The following SLC5A8 variants were observed in gnomAD, a reference collection of about 807,000 sequenced individuals.
The protein encoded by SLC5A8 is sodium-coupled monocarboxylate transporter 1.
A neutral mutation model predicts 71.9 loss-of-function variants in SLC5A8; 55 were observed. The observed-to-expected ratio is 0.77, with a 90% CI of 0.62 to 0.96. The LOEUF (loss-of-function observed/expected upper bound fraction) is 0.96, where lower values mean the gene tolerates loss of function less well. Among genes scored for constraint, SLC5A8 ranks in the 40% least tolerant of loss-of-function variants. The pLI is 0.00. For synonymous variants in SLC5A8, 307 were observed against 276.1 expected (o/e 1.11, Z -1.11); for missense variants, 701 against 745.3 (o/e 0.94, Z 0.69).
chr12:101,180,189 GATA>G, intron 9 of SLC5A8, 93 bp from the exon 10 acceptor site: 8 of 1,287,192 alleles, frequency 6.2e-6, no homozygotes, highest in Non-Finnish European at 9.1e-6. Context: ...ATTCAAAGTG[GATA>G]ATATGACTGT....
In SLC5A8 at chr12:101,195,122, C is replaced by A; in HGVS notation, c.510G>T (p.Gly170=). 2 of 1,614,040 alleles carry A rather than the reference C, an allele frequency of 1.2e-6. No individual in the cohort carries two copies. The highest frequency in any genetic ancestry group is 4.5e-5 in the East Asian group (2 of 44,888). Residue 170 remains glycine, a synonymous_variant, in exon 4 of 15, where the codon GGG becomes GGT. Coordinates refer to ENST00000536262, the MANE Select transcript of SLC5A8 (RefSeq NM_145913.5). The part of the protein sequence containing the change: ...FDLWGAVVAT[G]VVCTFYCTLG... Reference sequence around the variant, plus strand: ...GTGTGCAGTAGAATGTGCAGACCACCCCCGTTGCCACTACCGCGCCCCACA... The same window carrying A: ...GTGTGCAGTAGAATGTGCAGACCACACCCGTTGCCACTACCGCGCCCCACA...
At chr12:101,188,800 C>T (rs1400735972) in intron 6 of SLC5A8, among the ~76,000 whole-genome samples, 9 of 152,202 alleles carry the variant, frequency 5.9e-5, no homozygotes, top group Non-Finnish European at 1.3e-4. Context: ...TAGCTCATCT[C>T]CAAATCACCA....
intron 10 of SLC5A8, among the ~76,000 whole-genome samples, chr12:101,178,843 A>G (rs1426372377): frequency 6.6e-6 from 1 of 151,568 alleles, no homozygotes; most frequent in Non-Finnish European, 1.5e-5. Flanking sequence ...ATGCACTTTG[A>G]CAGACCCTGT....
At chr12:101,208,207 T>C (rs532234464) in intron 1 of SLC5A8, among the ~76,000 whole-genome samples, 1 of 152,298 alleles carries the variant, frequency 6.6e-6, no homozygotes, top group African/African-American at 2.4e-5. Flanking sequence ...GGGATAATTA[T>C]TGAGCTCTCC....
At chr12:101,158,631 T>C (rs1303649318) in intron 13 of SLC5A8, among the ~76,000 whole-genome samples, 1 of 130,250 alleles carries the variant, frequency 7.7e-6, no homozygotes, top group East Asian at 2.3e-4. Flanking sequence ...TATATATATA[T>C]ATGTATCATA....
In SLC5A8 at chr12:101,180,093, A is replaced by G; in HGVS notation, c.1169T>C (p.Val390Ala). 1 of 1,614,106 alleles carries G rather than the reference A, an allele frequency of 6.2e-7. No homozygotes were observed. Among genetic ancestry groups the G allele is most frequent in the Non-Finnish European group, 8.5e-7 (1 of 1,179,984 alleles). The change falls in exon 10 of 15, where the codon GTG (valine) becomes GCG (alanine). Residue 390 changes from valine to alanine, a missense_variant. Val to Ala is a moderately conservative substitution (Grantham distance 64). Transcript: ENST00000536262. ...SLSWISQGMSVVYGALCIGMA... is the reference protein window; with the variant it reads ...SLSWISQGMSAVYGALCIGMA... ...TCCAATACACAGGGCTCCATACACC[A>G]CACCTAAATGGACAACATAAAAGCC...
rs1188090237 is a variant in SLC5A8, at chr12:101,168,267, T to TAGG, written c.1234-86_1234-85insCCT. 5.4e-6 allele frequency: 7 copies of TAGG among 1,285,906 alleles called. No individual in the cohort carries two copies. The Admixed American group carries it at 1.7e-4, about 32-fold the overall frequency. The allele number at this position is 1,285,906 out of a possible 1,614,324, so 79.7% of individuals were successfully genotyped here. A position where few individuals can be genotyped will look rare whatever the true frequency, so the allele number is the denominator to read the frequency against. On this transcript the variant is annotated intron_variant, in intron 10 of 14. Transcript: ENST00000536262. ...AAGTCATTTCATCAGGATAATGACTTAAAGTATTCGGCCTCCTTCTGAAAA... is the reference window on the plus strand; with the variant it reads ...AAGTCATTTCATCAGGATAATGACTTAGGAAAGTATTCGGCCTCCTTCTGAAAA...
rs1349858498 is a variant in SLC5A8 at position 101,155,495 on chromosome 12, T to TTC, written c.*1783_*1784insGA. 3 of 143,644 alleles carry TTC rather than the reference T, an allele frequency of 2.1e-5. No homozygotes were observed. The highest frequency in any genetic ancestry group is 7.8e-5 in the African/African-American group (3 of 38,528). 8.9% of individuals were successfully genotyped at this position (143,644 alleles called of 1,614,324 possible). A position where few individuals can be genotyped will look rare whatever the true frequency, so the allele number is the denominator to read the frequency against. On this transcript the variant is annotated 3_prime_UTR_variant, in exon 15 of 15. Coordinates refer to ENST00000536262, the MANE Select transcript of SLC5A8 (RefSeq NM_145913.5). ...CTCTCTCTTTTTTTTTTTTTTTTTTTTTTTTCCCAGAGACAAGATTTCACT... is the reference window on the plus strand; with the variant it reads ...CTCTCTCTTTTTTTTTTTTTTTTTTTTCTTTTTCCCAGAGACAAGATTTCACT...
chr12:101,171,446 C>G (rs2051829215), intron 10 of SLC5A8, among the ~76,000 whole-genome samples: 1 of 152,098 alleles, frequency 6.6e-6, no homozygotes, highest in South Asian at 2.1e-4. Context: ...GAGAGGCTGC[C>G]CAAGTTTGAA....
chr12:101,180,562 T>C (rs2051922912), intron 9 of SLC5A8, among the ~76,000 whole-genome samples: 1 of 152,178 alleles, frequency 6.6e-6, no homozygotes, highest in Non-Finnish European at 1.5e-5. Flanking sequence ...CCTTGGGAAG[T>C]GGCAATGGAC....
Position 101,182,794 on chromosome 12 carries a change from G to A in SLC5A8, c.1165+9C>T. On this transcript the variant is annotated intron_variant, in intron 9 of 14. Transcript: ENST00000536262. ...GAGCTAAAATGGAATTATGAAAACA[G>A]AAACTTACTCATTCCTTGGGAAATC... 1 of 1,550,566 alleles carries A rather than the reference G, an allele frequency of 6.4e-7. No homozygotes were observed. Among genetic ancestry groups the A allele is most frequent in the Non-Finnish European group, 8.7e-7 (1 of 1,144,096 alleles).
chr12:101,206,314 A>C (rs1438294085), intron 1 of SLC5A8, among the ~76,000 whole-genome samples: 1 of 152,222 alleles, frequency 6.6e-6, no homozygotes, highest in Non-Finnish European at 1.5e-5. Flanking sequence ...ATATTTCTTT[A>C]GAAGTTTATT....
rs2051684983 is a variant in SLC5A8, at chr12:101,158,194, T to C, written c.1710+55A>G. On this transcript the variant is annotated intron_variant, in intron 14 of 14. Transcript: ENST00000536262. ...AGAGGTTGAGAACTAATTAGTGTTC[T>C]ATCCAGGTAATAAAGCCCAGTTTCC... The C allele has an allele frequency of 2.5e-6, 3 of 1,205,830 alleles. No homozygotes were observed. In the Admixed American group the frequency reaches 5.5e-5, roughly 22 times the overall value. The allele number at this position is 1,205,830 out of a possible 1,614,324, so 74.7% of individuals were successfully genotyped here.
intron 9 of SLC5A8, 107 bp from the exon 10 acceptor site, chr12:101,180,203 G>T: frequency 8.9e-7 from 1 of 1,117,574 alleles, no homozygotes; most frequent in Non-Finnish European, 1.4e-6. Flanking sequence ...ATATGACTGT[G>T]GTGAAGAATG....
At chr12:101,174,589 C>A (rs2051861810) in intron 10 of SLC5A8, among the ~76,000 whole-genome samples, 1 of 152,198 alleles carries the variant, frequency 6.6e-6, no homozygotes, top group Non-Finnish European at 1.5e-5. Flanking sequence ...AAAGCTGCAT[C>A]TGTGCTGAGG....
chr12:101,206,584 G>A (rs543291969), intron 1 of SLC5A8, among the ~76,000 whole-genome samples: 3 of 152,138 alleles, frequency 2.0e-5, no homozygotes, highest in African/African-American at 4.8e-5. Context: ...AGAAATACCC[G>A]GAGACTGGAC....
chr12:101,202,119 G>A lies in SLC5A8; in HGVS notation c.469+45C>T, dbSNP rs376294644. ...GGAGAAAATAAGGCTTGTTGAAAGT[G>A]AACCCCAAAATGTGAGTTACCTAAC... is the stretch of plus-strand genomic sequence containing the variant. On this transcript the variant is annotated intron_variant, in intron 3 of 14. Transcript: ENST00000536262. 2.5e-6 allele frequency: 4 copies of A among 1,582,368 alleles called. No homozygotes were observed. In the African/African-American group the frequency reaches 5.4e-5, roughly 21 times the overall value.
At chr12:101,163,352 A>G (rs188937977) in intron 12 of SLC5A8, among the ~76,000 whole-genome samples, 1 of 152,216 alleles carries the variant, frequency 6.6e-6, no homozygotes, top group East Asian at 1.9e-4. Flanking sequence ...ATGGGGAGGG[A>G]GGCAGGTTTT....
intron 5 of SLC5A8, among the ~76,000 whole-genome samples, chr12:101,191,671 T>C (rs1868919585): frequency 1.3e-5 from 2 of 152,206 alleles, no homozygotes; most frequent in Non-Finnish European, 2.9e-5. Context: ...ACAGAATACA[T>C]AGGCCAATGG....
Sources: gnomAD v4.1 joint callset for allele counts (sites outside exome capture counted in the v4.1 genomes callset) on GRCh38, gnomAD v4.1.1 for gene constraint, MANE v1.5 for transcripts, NCBI Gene and HGNC (gene_info 2026-07-23, HGNC 2026-07-21) for gene names.